PROM1: variants seen among roughly 807,000 people sequenced by gnomAD.
PROM1 encodes the protein prominin 1.
Under a neutral mutation model 116.9 loss-of-function variants are expected in PROM1, and 105 were observed. The observed-to-expected ratio is 0.90, with a 90% CI of 0.77 to 1.06. The LOEUF is 1.06. Ranked by LOEUF, PROM1 falls within the 50% of genes least tolerant of loss-of-function variation. The pLI, the probability that PROM1 is intolerant of heterozygous loss-of-function variation, is 0.00. For synonymous variants in PROM1, 393 were observed against 387.0 expected, an observed-to-expected ratio of 1.02 and a Z score of -0.18; for missense variants, 1,122 against 1,045.2, an observed-to-expected ratio of 1.07 and a Z score of -1.01.
Position 16,018,449 on chromosome 4 carries a change from G to A in PROM1, c.876C>T (p.Thr292=). ...QQSTQLSSSL[T]SVKTSLRSSL... is the part of the protein sequence containing the mutation. Reference sequence around the variant, plus strand: ...ATGACCGCAGGCTAGTTTTCACGCTGGTCAGACTGCTGCTAAGCTGTGTAC... The same window carrying A: ...ATGACCGCAGGCTAGTTTTCACGCTAGTCAGACTGCTGCTAAGCTGTGTAC... The change falls in exon 9 of 28, where the codon ACC becomes ACT. Residue 292 remains threonine, a synonymous_variant. Coordinates refer to ENST00000447510, the MANE Select transcript of PROM1 (RefSeq NM_006017.3). 1 of 1,613,682 alleles carries A rather than the reference G, an allele frequency of 6.2e-7. No individual in the cohort carries two copies. The highest frequency in any genetic ancestry group is 8.5e-7 in the Non-Finnish European group (1 of 1,179,876).
intron 2 of PROM1, among the ~76,000 whole-genome samples, chr4:16,057,722 A>C (rs1422324267): frequency 1.3e-5 from 2 of 152,228 alleles, no homozygotes; most frequent in African/African-American, 4.8e-5. Flanking sequence ...AAAGATTAGG[A>C]TTTTTATTTC....
At chr4:15,991,940 A>T (rs1230164617) in intron 17 of PROM1, among the ~76,000 whole-genome samples, 1 of 145,288 alleles carries the variant, frequency 6.9e-6, no homozygotes, top group Admixed American at 6.7e-5. Flanking sequence ...GTCTCAAAAA[A>T]AAAAAAAAAA....
chr4:16,012,697 C>T (rs1727192264), intron 11 of PROM1, among the ~76,000 whole-genome samples: 1 of 151,748 alleles, frequency 6.6e-6, no homozygotes, highest in Admixed American at 6.6e-5. Flanking sequence ...AGTGAAACCC[C>T]ATCTCTACTA....
At chr4:16,056,222 A>T (rs887425807) in intron 2 of PROM1, among the ~76,000 whole-genome samples, 2 of 152,126 alleles carry the variant, frequency 1.3e-5, no homozygotes, top group East Asian at 3.9e-4. Flanking sequence ...TGTAGGCCTG[A>T]GGAAGTGGAG....
intron 2 of PROM1, among the ~76,000 whole-genome samples, chr4:16,056,120 T>A (rs1423838486): frequency 1.3e-5 from 2 of 151,974 alleles, no homozygotes; most frequent in African/African-American, 4.8e-5. Flanking sequence ...CTGTCAGGAG[T>A]ACGAGCATCC....
At chr4:16,028,987 G>A (rs1051521887) in intron 5 of PROM1, among the ~76,000 whole-genome samples, 2 of 152,104 alleles carry the variant, frequency 1.3e-5, no homozygotes, top group Non-Finnish European at 1.5e-5. Context: ...TTTAAAACTT[G>A]TAACTGTATT....
intron 2 of PROM1, among the ~76,000 whole-genome samples, chr4:16,072,900 C>T (rs943912721): frequency 2.0e-5 from 3 of 152,098 alleles, no homozygotes; most frequent in African/African-American, 7.2e-5. Context: ...GTCTTGTGAC[C>T]CCCACCCAGG....
chr4:16,040,384 C>G (rs1384706408), intron 2 of PROM1, among the ~76,000 whole-genome samples: 1 of 152,172 alleles, frequency 6.6e-6, no homozygotes, highest in South Asian at 2.1e-4. Context: ...AATCCCCTTC[C>G]GACAACACAG....
rs1743861431 is a variant in PROM1, at chr4:16,075,888, A to C, written c.19T>G (p.Ser7Ala). The C allele has an allele frequency of 6.2e-7, 1 of 1,612,382 alleles. No homozygotes were observed. The highest frequency in any genetic ancestry group is 8.5e-7 in the Non-Finnish European group (1 of 1,179,084). Residue 7 changes from serine to alanine, a missense_variant, in exon 2 of 28, where the codon TCC becomes GCC. Ser to Ala is a moderately conservative substitution (Grantham distance 99, BLOSUM62 1). Coordinates refer to ENST00000447510, the MANE Select transcript of PROM1 (RefSeq NM_006017.3). MALVLG[S>A]LLLLGLCGNS... The stretch of plus-strand genomic sequence containing the variant: ...CCGCACAGCCCCAGCAGCAACAGGG[A>C]GCCGAGTACGAGGGCCATAGCTAGC...
At chr4:15,971,633 G>A (rs1714575868) in intron 26 of PROM1, 1 of 152,342 alleles carries the variant, frequency 6.6e-6, no homozygotes, top group South Asian at 2.1e-4. Flanking sequence ...AAAGGTATAC[G>A]CCAGGGGGAG....
chr4:16,064,373 T>C (rs906425389), intron 2 of PROM1, among the ~76,000 whole-genome samples: 29 of 152,288 alleles, frequency 1.9e-4, no homozygotes, highest in African/African-American at 6.5e-4. Flanking sequence ...CCAAAGAGTA[T>C]ATATCGTGTG....
intron 1 of PROM1, among the ~76,000 whole-genome samples, chr4:16,081,215 C>A (rs1241255233): frequency 2.6e-5 from 4 of 152,076 alleles, no homozygotes; most frequent in Non-Finnish European, 5.9e-5. Context: ...CCTCCCCACT[C>A]CCGCCACCTG....
At chr4:15,981,062 T>C (rs1351777232) in intron 23 of PROM1, among the ~76,000 whole-genome samples, 2 of 151,296 alleles carry the variant, frequency 1.3e-5, no homozygotes, top group Admixed American at 6.6e-5. Context: ...CCTGGGTTCA[T>C]GCCATTCTCC....
chr4:16,007,678 G>C (rs879892504), intron 12 of PROM1, among the ~76,000 whole-genome samples: 74 of 152,332 alleles, frequency 4.9e-4, no homozygotes, highest in African/African-American at 1.4e-3. Context: ...AGTTCATAGT[G>C]TCAGGGCAGG....
intron 16 of PROM1, among the ~76,000 whole-genome samples, chr4:15,993,663 G>A (rs1721609261): frequency 6.6e-6 from 1 of 152,106 alleles, no homozygotes; most frequent in Non-Finnish European, 1.5e-5. Flanking sequence ...GAACAAATAG[G>A]GATTGTTCCC....
Position 16,071,598 on chromosome 4 carries a change from A to T in PROM1, c.220+4089T>A, listed in dbSNP as rs908645. Among the ~76,000 whole-genome samples, 5 of 152,086 alleles carry T rather than the reference A, an allele frequency of 3.3e-5. No individual in the cohort carries two copies. The East Asian group carries it at 9.7e-4, about 29-fold the overall frequency. Reference sequence around the variant, plus strand: ...TGATGGGATTAGAGAAAGAGAAGATATCTTTTCACCCTCTCTCCAGGAGCC... The same window carrying T: ...TGATGGGATTAGAGAAAGAGAAGATTTCTTTTCACCCTCTCTCCAGGAGCC... On this transcript the variant is annotated intron_variant, in intron 2 of 27. Coordinates refer to ENST00000447510, the MANE Select transcript of PROM1 (RefSeq NM_006017.3).
chr4:15,986,893 G>A (rs552712366), intron 20 of PROM1, among the ~76,000 whole-genome samples: 1 of 152,154 alleles, frequency 6.6e-6, no homozygotes, highest in Non-Finnish European at 1.5e-5. Context: ...AGACTATTCC[G>A]TTCAATGAAA....
chr4:16,008,182 C>T (rs944693118), intron 12 of PROM1, among the ~76,000 whole-genome samples: 1 of 152,152 alleles, frequency 6.6e-6, no homozygotes, highest in Non-Finnish European at 1.5e-5. Flanking sequence ...CTCCGGACTC[C>T]CCATGGGCTT....
intron 11 of PROM1, among the ~76,000 whole-genome samples, chr4:16,011,548 A>G (rs950675819): frequency 2.6e-5 from 4 of 152,194 alleles, no homozygotes; most frequent in African/African-American, 9.6e-5. Flanking sequence ...GCCGCACTCA[A>G]TGCACGCAGC....
Sources: gnomAD v4.1 joint callset for allele counts (sites outside exome capture counted in the v4.1 genomes callset) on GRCh38, gnomAD v4.1.1 for gene constraint, MANE v1.5 for transcripts, NCBI Gene and HGNC (gene_info 2026-07-23, HGNC 2026-07-21) for gene names.